RNF183: variants seen among roughly 807,000 people sequenced by gnomAD.
RNF183 encodes the protein ring finger protein 183.
A neutral mutation model predicts 9.0 loss-of-function variants in RNF183; 4 were observed. The observed-to-expected ratio is 0.44, with a 90% CI of 0.22 to 1.01. The LOEUF (loss-of-function observed/expected upper bound fraction) is 1.01, where lower values mean the gene tolerates loss of function less well. RNF183 is among the 50% of genes least tolerant of loss of function. The pLI, the probability that RNF183 is intolerant of heterozygous loss-of-function variation, is 0.25. For missense variants in RNF183, 227 were observed against 253.6 expected (o/e 0.89, Z 0.71); for synonymous variants, 102 against 107.5 (o/e 0.95, Z 0.32).
At chr9:113,299,888 G>A (rs1476232867) in intron 3 of RNF183, 113 bp from the exon 4 acceptor site, 3 of 152,202 alleles carry the variant, frequency 2.0e-5, no homozygotes, top group Non-Finnish European at 4.4e-5. Flanking sequence ...TGGTGACATG[G>A]GACCCATGTC....
Position 113,298,491 on chromosome 9 carries a change from T to C in RNF183, c.-37-270A>G. 2.5e-6 allele frequency: 1 copy of C among 407,548 alleles called. No individual in the cohort carries two copies. The highest frequency in any genetic ancestry group is 4.4e-6 in the Non-Finnish European group (1 of 226,074). 25.2% of individuals were successfully genotyped at this position (407,548 alleles called of 1,614,324 possible). A position where few individuals can be genotyped will look rare whatever the true frequency, so the allele number is the denominator to read the frequency against. ...TTGGAGCAGATGTCGCCCTGGGCTT[T>C]GGAGCTGGACGCAAATGCTCCTTAT... On this transcript the variant is annotated intron_variant, in intron 4 of 4. Coordinates refer to ENST00000489339, the MANE Select transcript of RNF183 (RefSeq NM_001371237.1). The surrounding 1 kb of genome is among the most constrained non-coding windows in gnomAD (Gnocchi z 4.9).
rs1362854542 is a variant in RNF183 at position 113,303,141 on chromosome 9, T to A, written c.-526A>T. 2 of 152,670 alleles carry A rather than the reference T, an allele frequency of 1.3e-5. No individual in the cohort carries two copies. The highest frequency in any genetic ancestry group is 1.3e-4 in the Admixed American group (2 of 15,290). 9.5% of individuals were successfully genotyped at this position (152,670 alleles called of 1,614,324 possible). On this transcript the variant is annotated 5_prime_UTR_variant, in exon 1 of 5. An upstream open reading frame in the 5' UTR gains an earlier in-frame stop. Coordinates refer to ENST00000489339, the MANE Select transcript of RNF183 (RefSeq NM_001371237.1). ...GTTTTCTGACTTCCCAGGCCCGATT[T>A]CCAGGTAGCGTGGGTGGGTCTTATT...
Position 113,297,771 on chromosome 9 carries a change from G to A in RNF183, c.414C>T (p.Thr138=), listed in dbSNP as rs754851913. ...TGPPPDTASA[T]VSTPILIPSH... is the part of the protein sequence containing the mutation. ...TGGGGATGAGGATGGGCGTAGACAC[G>A]GTGGCAGAGGCCGTGTCTGGGGGCG... Residue 138 remains threonine (T), a synonymous_variant, in exon 5 of 5, where the codon ACC becomes ACT. Transcript: ENST00000489339. 9.9e-6 allele frequency: 16 copies of A among 1,613,486 alleles called. No homozygotes were observed. Among genetic ancestry groups the A allele is most frequent in the African/African-American group, 2.7e-5 (2 of 74,840 alleles).
chr9:113,297,597 G>T lies in RNF183; in HGVS notation c.*9C>A. The T allele has an allele frequency of 6.4e-7, 1 of 1,564,436 alleles. No individual in the cohort carries two copies. Among genetic ancestry groups the T allele is most frequent in the South Asian group, 1.2e-5 (1 of 83,934 alleles). On this transcript the variant is annotated 3_prime_UTR_variant, in exon 5 of 5. Coordinates refer to ENST00000489339, the MANE Select transcript of RNF183 (RefSeq NM_001371237.1). ...GAAAAAGGTTTGGTTTCTTGTCTGG[G>T]AACAGCACTCACCCCACACCCCAAA... is the stretch of plus-strand genomic sequence containing the variant.
At chr9:113,301,290 GATGGTAGAGCCTGCTACAT>G (rs1832911081) in intron 3 of RNF183, among the ~76,000 whole-genome samples, 1 of 152,174 alleles carries the variant, frequency 6.6e-6, no homozygotes, top group Non-Finnish European at 1.5e-5. Context: ...CACAAACCTA[GATGGTAGAGCCTGCTACAT>G]GCCTAGGCTA....
At chr9:113,300,596 G>A (rs1003574038) in intron 3 of RNF183, among the ~76,000 whole-genome samples, 2 of 152,148 alleles carry the variant, frequency 1.3e-5, no homozygotes, top group Admixed American at 6.6e-5. Context: ...ATCCAGCCAC[G>A]CACAGTGGAG....
At position 113,298,403 on chromosome 9, in the gene RNF183, C is replaced by A. The variant is rs1832808307; in HGVS notation, c.-37-182G>T. ...CGAGTTGAGTCAAATGCTCCTACAG[C>A]CTCCCCTCTGTCAAGGTGAAGGCCT... On this transcript the variant is annotated intron_variant, in intron 4 of 4. Transcript: ENST00000489339. This position sits in a 1 kb window ranked among gnomAD's most constrained non-coding sequence, Gnocchi z 4.9. 5.3e-6 allele frequency: 3 copies of A among 570,188 alleles called. No individual in the cohort carries two copies. The highest frequency in any genetic ancestry group is 2.1e-5 in the South Asian group (1 of 46,768). The allele number at this position is 570,188 out of a possible 1,614,324, so 35.3% of individuals were successfully genotyped here.
Position 113,303,116 on chromosome 9 carries a change from G to A in RNF183, c.-501C>T, listed in dbSNP as rs1320770778. On this transcript the variant is annotated 5_prime_UTR_variant, in exon 1 of 5. Transcript: ENST00000489339. The stretch of plus-strand genomic sequence containing the variant: ...GTGCAGCCCTGCACGCATGTGCTTT[G>A]TTTTCTGACTTCCCAGGCCCGATTT... The A allele has an allele frequency of 6.5e-6, 1 of 152,702 alleles. No individual in the cohort carries two copies. The highest frequency in any genetic ancestry group is 1.5e-5 in the Non-Finnish European group (1 of 68,392). 9.5% of individuals were successfully genotyped at this position (152,702 alleles called of 1,614,324 possible). A position where few individuals can be genotyped will look rare whatever the true frequency, so the allele number is the denominator to read the frequency against.
Position 113,297,838 on chromosome 9 carries a change from T to C in RNF183, c.347A>G (p.Tyr116Cys). The change falls in exon 5 of 5, where the codon TAC (tyrosine) becomes TGC (cysteine). Residue 116 changes from tyrosine to cysteine, a missense_variant. Coordinates refer to ENST00000489339, the MANE Select transcript of RNF183 (RefSeq NM_001371237.1). The part of the protein sequence containing the change: ...SRYFLRQPQV[Y>C]TLDLGPQPGG... ...AGGCTGGGGGCCAAGGTCCAGCGTG[T>C]AGACTTGAGGCTGGCGCAGGAAGTA... 2 of 1,611,970 alleles carry C rather than the reference T, an allele frequency of 1.2e-6. No homozygotes were observed. Among genetic ancestry groups the C allele is most frequent in the Non-Finnish European group, 1.7e-6 (2 of 1,178,750 alleles).
rs557486480 is a variant in RNF183 at position 113,297,571 on chromosome 9, C to T, written c.*35G>A. ...CGTAGTCACCATACCCAGCAGCAAC[C>T]GAAAAAGGTTTGGTTTCTTGTCTGG... On this transcript the variant is annotated 3_prime_UTR_variant, in exon 5 of 5. Transcript: ENST00000489339. 24 of 1,470,832 alleles carry T rather than the reference C, an allele frequency of 1.6e-5. No homozygotes were observed. The highest frequency in any genetic ancestry group is 8.3e-5 in the Admixed American group (4 of 48,040). The allele number at this position is 1,470,832 out of a possible 1,614,324, so 91.1% of individuals were successfully genotyped here.
intron 3 of RNF183, 134 bp downstream of exon 3, chr9:113,301,538 A>C (rs1832919512): frequency 6.6e-6 from 1 of 152,244 alleles, no homozygotes; most frequent in Non-Finnish European, 1.5e-5. Context: ...GGCAGTTGAA[A>C]TTATTAATGC....
intron 1 of RNF183, among the ~76,000 whole-genome samples, chr9:113,302,611 C>T (rs1339150296): frequency 6.6e-6 from 1 of 152,170 alleles, no homozygotes; most frequent in East Asian, 1.9e-4. Context: ...ATTTGATACT[C>T]TAAAACCACC....
rs537162344 is a variant in RNF183 at position 113,297,425 on chromosome 9, C to A, written c.*181G>T. 2.2e-4 allele frequency: 113 copies of A among 511,608 alleles called. No individual in the cohort carries two copies. Among genetic ancestry groups the A allele is most frequent in the African/African-American group, 2.1e-3 (105 of 50,826 alleles). The allele number at this position is 511,608 out of a possible 1,614,324, so 31.7% of individuals were successfully genotyped here. A position where few individuals can be genotyped will look rare whatever the true frequency, so the allele number is the denominator to read the frequency against. On this transcript the variant is annotated 3_prime_UTR_variant, in exon 5 of 5. Coordinates refer to ENST00000489339, the MANE Select transcript of RNF183 (RefSeq NM_001371237.1). Reference sequence around the variant, plus strand: ...GGTCGCTCCACATCTCCCAGTCCTTCAAGCTTTTCGTTTTTTTGTTTTTTT... The same window carrying A: ...GGTCGCTCCACATCTCCCAGTCCTTAAAGCTTTTCGTTTTTTTGTTTTTTT...
intron 3 of RNF183, among the ~76,000 whole-genome samples, chr9:113,300,328 C>T (rs973543822): frequency 6.6e-6 from 1 of 152,220 alleles, no homozygotes; most frequent in Non-Finnish European, 1.5e-5. Flanking sequence ...TGAGTGCTTA[C>T]TCTAGCCCAG....
Position 113,297,757 on chromosome 9 carries a change from A to T in RNF183, c.428T>A (p.Ile143Asn). 6.2e-7 allele frequency: 1 copy of T among 1,614,050 alleles called. No homozygotes were observed. Among genetic ancestry groups the T allele is most frequent in the Non-Finnish European group, 8.5e-7 (1 of 1,179,990 alleles). The change falls in exon 5 of 5, where the codon ATC becomes AAC. Residue 143 changes from isoleucine (I) to asparagine (N), a missense_variant. By Grantham distance (149) the Ile-to-Asn change is moderately radical. Coordinates refer to ENST00000489339, the MANE Select transcript of RNF183 (RefSeq NM_001371237.1). ...DTASATVSTPILIPSHHSLRE... is the reference protein window; with the variant it reads ...DTASATVSTPNLIPSHHSLRE... ...CAAAGAGTGGTGGCTGGGGATGAGG[A>T]TGGGCGTAGACACGGTGGCAGAGGC...
At chr9:113,299,191 G>A (rs1013811494) in intron 4 of RNF183, 3 of 152,406 alleles carry the variant, frequency 2.0e-5, no homozygotes, top group African/African-American at 7.2e-5. Context: ...TTCCTGGGGG[G>A]TGGGGTGGGG....
At chr9:113,302,581 G>T (rs926396639) in intron 1 of RNF183, among the ~76,000 whole-genome samples, 2 of 152,126 alleles carry the variant, frequency 1.3e-5, no homozygotes, top group African/African-American at 2.4e-5. Flanking sequence ...GGGATTTTTT[G>T]TTGTTGTTTG....
rs1832966937 is a variant in RNF183, at chr9:113,303,042, C to G, written c.-441+14G>C. On this transcript the variant is annotated intron_variant, in intron 1 of 4. Coordinates refer to ENST00000489339, the MANE Select transcript of RNF183 (RefSeq NM_001371237.1). The stretch of plus-strand genomic sequence containing the variant: ...CTGTGACCCGTCCCTCCGCGACCCT[C>G]TCTGTCTCCTTACCTGCTCCCTCGG... 6.5e-6 allele frequency: 1 copy of G among 152,768 alleles called. No individual in the cohort carries two copies. The highest frequency in any genetic ancestry group is 1.5e-5 in the Non-Finnish European group (1 of 68,508). The allele number at this position is 152,768 out of a possible 1,614,324, so 9.5% of individuals were successfully genotyped here.
chr9:113,298,228 G>T lies in RNF183; in HGVS notation c.-37-7C>A. On this transcript the variant is annotated splice_region_variant and splice_polypyrimidine_tract_variant and intron_variant, in intron 4 of 4. Coordinates refer to ENST00000489339, the MANE Select transcript of RNF183 (RefSeq NM_001371237.1). The surrounding 1 kb of genome is among the most constrained non-coding windows in gnomAD (Gnocchi z 4.9). ...AGGCTTCGCGGGAGACGTCCTGGCA[G>T]AAGGGGGAAAGGAGCAAAGGAACAG... 1 of 1,521,326 alleles carries T rather than the reference G, an allele frequency of 6.6e-7. No individual in the cohort carries two copies. Among genetic ancestry groups the T allele is most frequent in the Non-Finnish European group, 9.0e-7 (1 of 1,109,842 alleles). The allele number at this position is 1,521,326 out of a possible 1,614,324, so 94.2% of individuals were successfully genotyped here. A position where few individuals can be genotyped will look rare whatever the true frequency, so the allele number is the denominator to read the frequency against.
Sources: gnomAD v4.1 joint callset for allele counts (sites outside exome capture counted in the v4.1 genomes callset) on GRCh38, gnomAD v4.1.1 for gene constraint, Gnocchi (gnomAD v3.1) non-coding constraint, MANE v1.5 for transcripts, NCBI Gene and HGNC (gene_info 2026-07-23, HGNC 2026-07-21) for gene names.